The following FRMPD4 variants were observed in gnomAD, a reference collection of about 807,000 sequenced individuals.
FRMPD4 encodes the protein FERM and PDZ domain containing 4.
A neutral mutation model predicts 94.1 loss-of-function variants in FRMPD4; 22 were observed. The observed-to-expected ratio is 0.23, with a 90% CI of 0.17 to 0.33. The LOEUF is 0.33. FRMPD4 is among the 10% of genes least tolerant of loss of function. FRMPD4 has a pLI of 1.00. For missense variants in FRMPD4, 1,111 were observed against 1,339.9 expected (o/e 0.83, Z 2.67); for synonymous variants, 631 against 548.6 (o/e 1.15, Z -2.10).
intron 1 of FRMPD4, among the ~76,000 whole-genome samples, chrX:12,258,299 C>A (rs2054141740): frequency 9.0e-6 from 1 of 110,535 alleles, no homozygotes; most frequent in South Asian, 3.9e-4. Context: ...GCCTTCATGA[C>A]TGGATTAACG....
intron 3 of FRMPD4, among the ~76,000 whole-genome samples, chrX:11,973,093 A>C (rs2054349294): frequency 8.9e-6 from 1 of 112,088 alleles, no homozygotes; most frequent in Non-Finnish European, 1.9e-5. Context: ...GAATTCAGTA[A>C]CTTTATTTTT....
chrX:11,825,085 A>C (rs2053433939), intron 1 of FRMPD4, among the ~76,000 whole-genome samples: 1 of 110,712 alleles, frequency 9.0e-6, no homozygotes, highest in Non-Finnish European at 1.9e-5. Context: ...GTCTGGGTGC[A>C]GGAGAAAAAC....
At chrX:12,462,914 A>G (rs2057405052) in intron 1 of FRMPD4, among the ~76,000 whole-genome samples, 1 of 111,666 alleles carries the variant, frequency 9.0e-6, no homozygotes, top group African/African-American at 3.3e-5. Flanking sequence ...GCTTGAGCCC[A>G]GGAAGTTGAG....
At chrX:12,139,066 G>T in intron 1 of FRMPD4, 54 bp downstream of exon 1, 2 of 1,004,440 alleles carry the variant, frequency 2.0e-6, no homozygotes, top group Non-Finnish European at 2.6e-6. Flanking sequence ...CGGGCAACTT[G>T]GTGCCTTATT....
intron 2 of FRMPD4, among the ~76,000 whole-genome samples, chrX:12,575,715 G>A (rs2058805354): frequency 8.9e-6 from 1 of 112,005 alleles, no homozygotes. Flanking sequence ...GTAATCACAA[G>A]GGTCCTTAAA....
At chrX:12,298,583 T>C (rs1391852889) in intron 1 of FRMPD4, among the ~76,000 whole-genome samples, 2 of 112,120 alleles carry the variant, frequency 1.8e-5, no homozygotes, top group African/African-American at 6.5e-5. Context: ...ATGGAGGTCT[T>C]ATATGTAGAT....
At chrX:12,178,078 A>T (rs1199609684) in intron 1 of FRMPD4, among the ~76,000 whole-genome samples, 2 of 111,161 alleles carry the variant, frequency 1.8e-5, no homozygotes, top group Non-Finnish European at 3.8e-5. Flanking sequence ...TGATTAGGTC[A>T]TGAGGGCTCT....
intron 1 of FRMPD4, among the ~76,000 whole-genome samples, chrX:12,365,452 G>A (rs1012304779): frequency 9.0e-5 from 10 of 111,628 alleles, no homozygotes; most frequent in African/African-American, 3.3e-4. Flanking sequence ...GGCCACATGG[G>A]TATAGGGACA....
At chrX:12,431,741 T>C (rs2057012216) in intron 1 of FRMPD4, among the ~76,000 whole-genome samples, 1 of 112,401 alleles carries the variant, frequency 8.9e-6, no homozygotes, top group South Asian at 3.7e-4. Context: ...AATTCATGGT[T>C]GATAATTTTG....
intron 2 of FRMPD4, among the ~76,000 whole-genome samples, chrX:12,554,014 T>C (rs1455664951): frequency 3.6e-5 from 4 of 111,729 alleles, no homozygotes; most frequent in African/African-American, 9.7e-5. Flanking sequence ...ACCCTAGTTC[T>C]ACAAAGCGCA....
chrX:12,684,515 C>G lies in FRMPD4; in HGVS notation c.573+928C>G, dbSNP rs180759115. On this transcript the variant is annotated intron_variant, in intron 6 of 16. Transcript: ENST00000675598. The stretch of plus-strand genomic sequence containing the variant: ...GATCTAGGGCTGCTCCACTTGGGGT[C>G]CAGCTATTGTGATGCTTGTGGGGAA... 4.8e-4 allele frequency among the ~76,000 whole-genome samples: 54 copies of G among 111,533 alleles called. No individual in the cohort carries two copies. In the East Asian group the frequency reaches 0.012, roughly 26 times the overall value.
Position 12,004,691 on chromosome X carries a change from C to CT in FRMPD4, c.95+126688dup, listed in dbSNP as rs141975202. ...TTGGTATTGTTTTCTGTCTGCTGACCTTTTTTTTTTTTTTTCATCCTCAGT... is the reference window on the plus strand; with the variant it reads ...TTGGTATTGTTTTCTGTCTGCTGACCTTTTTTTTTTTTTTTTCATCCTCAGT... On this transcript the variant is annotated intron_variant, in intron 3 of 18. Transcript: ENST00000640291. Among the ~76,000 whole-genome samples, 189 of 98,843 alleles carry CT rather than the reference C, an allele frequency of 1.9e-3. 1 individual carries two copies. The highest frequency in any genetic ancestry group is 4.6e-3 in the African/African-American group (125 of 27,384). The allele number at this position is 98,843 out of a possible 115,157, so 85.8% of individuals were successfully genotyped here. A position where few individuals can be genotyped will look rare whatever the true frequency, so the allele number is the denominator to read the frequency against.
intron 2 of FRMPD4, among the ~76,000 whole-genome samples, chrX:12,598,272 A>C (rs1409273647): frequency 9.1e-6 from 1 of 110,082 alleles, no homozygotes; most frequent in Non-Finnish European, 1.9e-5. Flanking sequence ...AAAGAGTGAG[A>C]TATGGTGTGT....
At chrX:12,620,987 G>A (rs975716508) in intron 4 of FRMPD4, among the ~76,000 whole-genome samples, 3 of 111,883 alleles carry the variant, frequency 2.7e-5, no homozygotes, top group South Asian at 3.8e-4. Context: ...TTGGGAGGCC[G>A]AGGTGGGTGG....
At chrX:12,636,578 T>C (rs2059445035) in intron 4 of FRMPD4, among the ~76,000 whole-genome samples, 1 of 112,154 alleles carries the variant, frequency 8.9e-6, no homozygotes, top group East Asian at 2.8e-4. Context: ...AATTTCCTCT[T>C]CAATTATTAG....
chrX:12,266,131 T>TC (rs2054270724), intron 1 of FRMPD4, among the ~76,000 whole-genome samples: 1 of 6,287 alleles, frequency 1.6e-4, no homozygotes, highest in African/African-American at 1.2e-3. Flanking sequence ...AGACTCCGTC[T>TC]CAAAAAAAAA....
At chrX:12,172,698 T>C (rs987145458) in intron 1 of FRMPD4, among the ~76,000 whole-genome samples, 4 of 111,728 alleles carry the variant, frequency 3.6e-5, no homozygotes, top group Non-Finnish European at 7.5e-5. Flanking sequence ...AAGTCAGAGA[T>C]TTGAAGGTGA....
rs1161353161 is a variant in FRMPD4 at position 12,145,755 on chromosome X, GTTC to G, written c.41+6749_41+6751del. 2.2e-4 allele frequency among the ~76,000 whole-genome samples: 25 copies of G among 111,977 alleles called. 1 individual carries two copies. ...CTGCCCTTTACATGGGTATTTTACT[GTTC>G]TTCTTTGATCTCTCTGCCCAGTACT... On this transcript the variant is annotated intron_variant, in intron 1 of 16. Transcript: ENST00000675598.
At chrX:11,845,806 A>G (rs940083355) in intron 1 of FRMPD4, among the ~76,000 whole-genome samples, 6 of 108,781 alleles carry the variant, frequency 5.5e-5, no homozygotes, top group African/African-American at 2.0e-4. Context: ...AGATGCACAA[A>G]AGGCCTTTGA....
Sources: gnomAD v4.1 joint callset for allele counts (sites outside exome capture counted in the v4.1 genomes callset) on GRCh38, gnomAD v4.1.1 for gene constraint, MANE v1.5 for transcripts, NCBI Gene and HGNC (gene_info 2026-07-23, HGNC 2026-07-21) for gene names.